The following CDC42 variants were observed in gnomAD, a reference collection of about 807,000 sequenced individuals.
CDC42 encodes the protein cell division cycle 42, also known as cell division control protein 42 homolog.
Under a neutral mutation model 20.8 loss-of-function variants are expected in CDC42, and 1 was observed. The ratio of observed to expected loss-of-function variants is 0.05; its 90% CI spans 0.02 to 0.23. The LOEUF (loss-of-function observed/expected upper bound fraction) is 0.23, where lower values mean the gene tolerates loss of function less well. CDC42 is among the 10% of genes least tolerant of loss of function. CDC42 has a pLI of 1.00. For synonymous variants in CDC42, 72 were observed against 84.8 expected (o/e 0.85, Z 0.83); for missense variants, 49 against 227.9 (o/e 0.21, Z 5.05).
chr1:22,061,528 CTTTCTTTTT>C (rs1223089352), intron 1 of CDC42, among the ~76,000 whole-genome samples: 14,883 of 85,854 alleles, frequency 0.17, 3,438 homozygotes, highest in Middle Eastern at 0.32. Flanking sequence ...CTTCATGTTT[CTTTCTTTTT>C]TTTTTTTTTT....
In CDC42 at chr1:22,092,715, T is replaced by C. The variant is rs1471043887; in HGVS notation, c.*1198T>C. Reference sequence around the variant, plus strand: ...AGCCAGGTGAGGCTCTCTAGTTTAATAAAAATCATGGAAAGACTCTTAATG... The same window carrying C: ...AGCCAGGTGAGGCTCTCTAGTTTAACAAAAATCATGGAAAGACTCTTAATG... On this transcript the variant is annotated 3_prime_UTR_variant, in exon 6 of 6. Transcript: ENST00000656825. The C allele has an allele frequency of 1.3e-5, 2 of 152,630 alleles. No homozygotes were observed. Among genetic ancestry groups the C allele is most frequent in the Non-Finnish European group, 2.9e-5 (2 of 68,028 alleles). The allele number at this position is 152,630 out of a possible 1,614,324, so 9.5% of individuals were successfully genotyped here. A position where few individuals can be genotyped will look rare whatever the true frequency, so the allele number is the denominator to read the frequency against.
intron 3 of CDC42, among the ~76,000 whole-genome samples, chr1:22,083,516 A>G (rs1645629514): frequency 6.6e-6 from 1 of 151,898 alleles, no homozygotes; most frequent in South Asian, 2.1e-4. Context: ...GAGACAGGAA[A>G]ATTGCTTGAA....
At chr1:22,056,322 G>A (rs906492510) in intron 1 of CDC42, among the ~76,000 whole-genome samples, 3 of 152,120 alleles carry the variant, frequency 2.0e-5, no homozygotes, top group Non-Finnish European at 4.4e-5. Context: ...ACTCTTGCTT[G>A]ACTTTTTCCA....
In CDC42 at chr1:22,100,597, G is replaced by T. The variant is rs996109582; in HGVS notation, c.*9080G>T. The T allele has an allele frequency of 5.3e-5, 8 of 152,216 alleles. No homozygotes were observed. The highest frequency in any genetic ancestry group is 5.2e-4 in the Admixed American group (8 of 15,280). The allele number at this position is 152,216 out of a possible 1,614,324, so 9.4% of individuals were successfully genotyped here. ...TTCTTAGCATAGTGCCTGGCAAGTAGAAGGTACTCATCTGTGAATGGGGTA... is the reference window on the plus strand; with the variant it reads ...TTCTTAGCATAGTGCCTGGCAAGTATAAGGTACTCATCTGTGAATGGGGTA... On this transcript the variant is annotated 3_prime_UTR_variant, in exon 6 of 6. Coordinates refer to ENST00000656825, the MANE Select transcript of CDC42 (RefSeq NM_001791.4).
Position 22,093,946 on chromosome 1 carries a change from A to G in CDC42, c.*2429A>G, listed in dbSNP as rs568308631. Among the ~76,000 whole-genome samples the G allele has an allele frequency of 3.3e-5, 5 of 152,366 alleles. No individual in the cohort carries two copies. In the South Asian group the frequency reaches 6.2e-4, roughly 19 times the overall value. ...TAAAGCAGGTCATACAGTTGTGTCA[A>G]CGAATTATCCGTGTATCAGAAGAAC... is the stretch of plus-strand genomic sequence containing the variant. On this transcript the variant is annotated 3_prime_UTR_variant, in exon 6 of 6. Transcript: ENST00000656825.
intron 1 of CDC42, among the ~76,000 whole-genome samples, chr1:22,065,924 A>G (rs1645418255): frequency 6.6e-6 from 1 of 151,908 alleles, no homozygotes; most frequent in Non-Finnish European, 1.5e-5. Context: ...ATGCCTGGCT[A>G]ATTTTTTGTA....
intron 5 of CDC42, chr1:22,090,875 A>G (rs1365890311): frequency 8.0e-6 from 7 of 876,270 alleles, no homozygotes; most frequent in East Asian, 1.2e-4. Flanking sequence ...AGGTACCCAC[A>G]TTTTTGCTCC....
chr1:22,059,710 A>G (rs1645342201), intron 1 of CDC42: 1 of 151,866 alleles, frequency 6.6e-6, no homozygotes, highest in Non-Finnish European at 1.5e-5. Context: ...TGCCTGGCTA[A>G]TTTTTGTATT....
intron 1 of CDC42, among the ~76,000 whole-genome samples, chr1:22,057,746 CAG>C (rs1645318909): frequency 6.9e-6 from 1 of 145,728 alleles, no homozygotes; most frequent in African/African-American, 2.6e-5. Context: ...TTTTTTGAGA[CAG>C]AGTCTCGCTC....
intron 5 of CDC42, among the ~76,000 whole-genome samples, chr1:22,088,490 T>A (rs1163340605): frequency 1.3e-5 from 2 of 152,184 alleles, no homozygotes; most frequent in Non-Finnish European, 2.9e-5. Flanking sequence ...TATGGAGAAG[T>A]CAAAAGAGGG....
chr1:22,073,592 A>G (rs1645516631), intron 1 of CDC42, among the ~76,000 whole-genome samples: 1 of 152,074 alleles, frequency 6.6e-6, no homozygotes, highest in African/African-American at 2.4e-5. Context: ...TTGGAGGGGT[A>G]GATGCCAGGA....
In CDC42 at chr1:22,081,610, C is replaced by T. The variant is rs185007109; in HGVS notation, c.106-112C>T. The T allele has an allele frequency of 1.6e-4, 105 of 676,062 alleles. No homozygotes were observed. In the East Asian group the frequency reaches 2.4e-3, roughly 15 times the overall value. The allele number at this position is 676,062 out of a possible 1,614,324, so 41.9% of individuals were successfully genotyped here. A position where few individuals can be genotyped will look rare whatever the true frequency, so the allele number is the denominator to read the frequency against. ...TGGTTATATAAGGATGATGGATGGA[C>T]TAGGGGACGATTAAGTCTTAGCAAG... On this transcript the variant is annotated intron_variant, in intron 2 of 5. Coordinates refer to ENST00000656825, the MANE Select transcript of CDC42 (RefSeq NM_001791.4).
At chr1:22,081,084 G>A (rs1267057251) in intron 2 of CDC42, among the ~76,000 whole-genome samples, 1 of 152,144 alleles carries the variant, frequency 6.6e-6, no homozygotes, top group Non-Finnish European at 1.5e-5. Flanking sequence ...TGGGAGAATC[G>A]CTTGATCCCA....
At position 22,087,826 on chromosome 1, in the gene CDC42, T is replaced by C. The variant is rs564482244; in HGVS notation, c.486+960T>C. Among the ~76,000 whole-genome samples, 5 of 152,368 alleles carry C rather than the reference T, an allele frequency of 3.3e-5. No individual in the cohort carries two copies. The South Asian group carries it at 1.0e-3, about 32-fold the overall frequency. ...ACACTATTGGATTCTTAACTACGTG[T>C]ATACTAGGGTAAATGGCATATATGA... On this transcript the variant is annotated intron_variant, in intron 5 of 5. Coordinates refer to ENST00000656825, the MANE Select transcript of CDC42 (RefSeq NM_001791.4).
chr1:22,065,311 C>G (rs972196580), intron 1 of CDC42, among the ~76,000 whole-genome samples: 4 of 152,242 alleles, frequency 2.6e-5, no homozygotes, highest in Admixed American at 6.5e-5. Context: ...ACAGCCCTTT[C>G]TGTAATATTT....
rs1327499973 is a variant in CDC42, at chr1:22,100,982, G to A, written c.*9465G>A. Reference sequence around the variant, plus strand: ...ATTTCACAATTGTATTGGAATTATTGGTGTTAAGGAGTTAGGTCCATCTCT... The same window carrying A: ...ATTTCACAATTGTATTGGAATTATTAGTGTTAAGGAGTTAGGTCCATCTCT... On this transcript the variant is annotated 3_prime_UTR_variant, in exon 6 of 6. Transcript: ENST00000656825. 6.6e-6 allele frequency: 1 copy of A among 152,102 alleles called. No homozygotes were observed. Among genetic ancestry groups the A allele is most frequent in the Non-Finnish European group, 1.5e-5 (1 of 68,028 alleles). 9.4% of individuals were successfully genotyped at this position (152,102 alleles called of 1,614,324 possible). A position where few individuals can be genotyped will look rare whatever the true frequency, so the allele number is the denominator to read the frequency against.
At chr1:22,063,089 T>C (rs770488048) in intron 1 of CDC42, among the ~76,000 whole-genome samples, 1 of 152,206 alleles carries the variant, frequency 6.6e-6, no homozygotes, top group Non-Finnish European at 1.5e-5. Context: ...TCTATATGAC[T>C]TGGACTCATA....
In CDC42 at chr1:22,094,180, G is replaced by C. The variant is rs1392779145; in HGVS notation, c.*2663G>C. 1.3e-5 allele frequency among the ~76,000 whole-genome samples: 2 copies of C among 151,600 alleles called. No homozygotes were observed. The highest frequency in any genetic ancestry group is 4.9e-5 in the African/African-American group (2 of 41,206). ...GGAGTATGATTTAGAGGCTGGAAAG[G>C]GTTATTGAAAATAGTCCTTACAGGC... On this transcript the variant is annotated 3_prime_UTR_variant, in exon 6 of 6. Coordinates refer to ENST00000656825, the MANE Select transcript of CDC42 (RefSeq NM_001791.4).
intron 1 of CDC42, among the ~76,000 whole-genome samples, chr1:22,054,562 C>G (rs1258619089): frequency 2.0e-5 from 3 of 152,016 alleles, no homozygotes; most frequent in Non-Finnish European, 4.4e-5. Flanking sequence ...CAAATGAGAT[C>G]CAATTGTGTA....
Sources: gnomAD v4.1 joint callset for allele counts (sites outside exome capture counted in the v4.1 genomes callset) on GRCh38, gnomAD v4.1.1 for gene constraint, MANE v1.5 for transcripts, NCBI Gene and HGNC (gene_info 2026-07-23, HGNC 2026-07-21) for gene names.